Variants in MAPK10 observed in about 807,000 individuals in gnomAD.
MAPK10 encodes mitogen-activated protein kinase 10, also known as JNK3 alpha protein kinase.
In MAPK10, 25 loss-of-function variants were observed where a neutral mutation model predicts 59.3. The observed-to-expected ratio is 0.42, with a 90% CI of 0.31 to 0.59. The LOEUF (loss-of-function observed/expected upper bound fraction) is 0.59, where lower values mean the gene tolerates loss of function less well. MAPK10 is among the 20% of genes least tolerant of loss of function. The pLI, the probability that MAPK10 is intolerant of heterozygous loss-of-function variation, is 0.15. For missense variants in MAPK10, 351 were observed against 568.9 expected (o/e 0.62, Z 3.90); for synonymous variants, 190 against 200.5 (o/e 0.95, Z 0.44).
intron 1 of MAPK10, among the ~76,000 whole-genome samples, chr4:86,479,798 C>A (rs1181025678): frequency 1.3e-5 from 2 of 152,014 alleles, no homozygotes; most frequent in African/African-American, 2.4e-5. Context: ...TTTTCAATTC[C>A]CACAAAATTG....
At chr4:86,335,846 A>G (rs989614608) in intron 2 of MAPK10, among the ~76,000 whole-genome samples, 1 of 152,158 alleles carries the variant, frequency 6.6e-6, no homozygotes, top group Non-Finnish European at 1.5e-5. Flanking sequence ...TTCACTCACT[A>G]TCATGAGAAC....
At chr4:86,117,214 G>C (rs771307910) in intron 4 of MAPK10, among the ~76,000 whole-genome samples, 15 of 152,240 alleles carry the variant, frequency 9.9e-5, no homozygotes, top group Non-Finnish European at 2.2e-4. Flanking sequence ...TTCAAGACCA[G>C]CATGGGCAAC....
chr4:86,358,388 C>G, intron 1 of MAPK10: 1 of 985,282 alleles, frequency 1.0e-6, no homozygotes. Context: ...CGTTTTCCTT[C>G]CACCTGAACT....
chr4:86,126,044 G>A (rs2060024058), intron 4 of MAPK10: 1 of 152,036 alleles, frequency 6.6e-6, no homozygotes, highest in Non-Finnish European at 1.5e-5. Context: ...TCATTGCCCA[G>A]CCCATGGGCC....
At chr4:86,063,251 C>T (rs1057158645) in intron 11 of MAPK10, among the ~76,000 whole-genome samples, 1 of 152,064 alleles carries the variant, frequency 6.6e-6, no homozygotes, top group African/African-American at 2.4e-5. Context: ...GAATCTAGCA[C>T]CTCTGACATG....
At chr4:86,362,405 G>A (rs1737154438), upstream of MAPK10, among the ~76,000 whole-genome samples, 1 of 149,630 alleles carries the variant, frequency 6.7e-6, no homozygotes, top group Non-Finnish European at 1.5e-5. Context: ...GATACAGAAA[G>A]CACTTACCAT....
intron 2 of MAPK10, among the ~76,000 whole-genome samples, chr4:86,293,077 T>C (rs560269524): frequency 6.6e-6 from 1 of 152,188 alleles, no homozygotes; most frequent in South Asian, 2.1e-4. Flanking sequence ...ACATATCACA[T>C]TAAATAAAAT....
intron 2 of MAPK10, among the ~76,000 whole-genome samples, chr4:86,287,004 C>T (rs2095039711): frequency 6.6e-6 from 1 of 152,104 alleles, no homozygotes. Flanking sequence ...CCTTAAGGGA[C>T]TTTAAGCTGC....
chr4:86,362,491 A>C (rs1249622106), upstream of MAPK10, among the ~76,000 whole-genome samples: 2 of 152,010 alleles, frequency 1.3e-5, no homozygotes, highest in African/African-American at 2.4e-5. Context: ...ATGAATAGGC[A>C]AGCCAGAGTC....
At chr4:86,178,773 T>C (rs756138383) in intron 3 of MAPK10, among the ~76,000 whole-genome samples, 3 of 152,150 alleles carry the variant, frequency 2.0e-5, no homozygotes, top group African/African-American at 7.2e-5. Context: ...TGAACTCATA[T>C]ATAGAAAAAC....
At chr4:86,105,641 T>C (rs1232728763) in intron 5 of MAPK10, among the ~76,000 whole-genome samples, 2 of 152,176 alleles carry the variant, frequency 1.3e-5, no homozygotes, top group African/African-American at 4.8e-5. Context: ...TCCTCCTTGG[T>C]ATAACAGAAT....
At chr4:86,134,529 A>G (rs1265600041) in intron 4 of MAPK10, among the ~76,000 whole-genome samples, 1 of 152,218 alleles carries the variant, frequency 6.6e-6, no homozygotes, top group Non-Finnish European at 1.5e-5. Context: ...CCAGTTTGTT[A>G]CTTGTATTTG....
intron 1 of MAPK10, among the ~76,000 whole-genome samples, chr4:86,473,814 A>G (rs1752847815): frequency 6.6e-6 from 1 of 152,120 alleles, no homozygotes; most frequent in Admixed American, 6.6e-5. Flanking sequence ...GTTCCCAGAG[A>G]AGTGAGGTGA....
chr4:86,205,319 T>A (rs539280627), intron 2 of MAPK10, among the ~76,000 whole-genome samples: 20 of 151,994 alleles, frequency 1.3e-4, no homozygotes, highest in Non-Finnish European at 2.8e-4. Context: ...GCACTTAGCA[T>A]TACCTCAAAA....
At chr4:86,460,653 A>G (rs559429693) in intron 1 of MAPK10, among the ~76,000 whole-genome samples, 1 of 152,248 alleles carries the variant, frequency 6.6e-6, no homozygotes, top group African/African-American at 2.4e-5. Context: ...AGTTTACAGA[A>G]TAAGGGCAAG....
chr4:86,305,009 C>A (rs114143909), intron 2 of MAPK10, among the ~76,000 whole-genome samples: 2,416 of 152,218 alleles, frequency 0.016, 64 homozygotes, highest in African/African-American at 0.053. Flanking sequence ...AATGTGTCAT[C>A]ACTTACACCC....
chr4:86,101,465 G>A, intron 7 of MAPK10: 11 of 423,812 alleles, frequency 2.6e-5, no homozygotes, highest in East Asian at 4.0e-5. Flanking sequence ...AGAGGTTTTA[G>A]AAAAAAAAAT....
At chr4:86,547,336 G>A (rs766652327) in intron 1 of MAPK10, among the ~76,000 whole-genome samples, 27 of 152,216 alleles carry the variant, frequency 1.8e-4, no homozygotes, top group Non-Finnish European at 3.7e-4. Context: ...GCGCTGGGGG[G>A]AACCAGGACT....
At chr4:86,334,073 CT>C (rs1246755939) in intron 2 of MAPK10, among the ~76,000 whole-genome samples, 2 of 152,256 alleles carry the variant, frequency 1.3e-5, no homozygotes, top group East Asian at 3.9e-4. Context: ...ATGTATGCAA[CT>C]GCCTGCTGGA....
Sources: gnomAD v4.1 joint callset for allele counts (sites outside exome capture counted in the v4.1 genomes callset) on GRCh38, gnomAD v4.1.1 for gene constraint, MANE v1.5 for transcripts, NCBI Gene and HGNC (gene_info 2026-07-23, HGNC 2026-07-21) for gene names.